The following MRTFA variants were observed in gnomAD, a reference collection of about 807,000 sequenced individuals.
The protein encoded by MRTFA is myocardin-related transcription factor A.
Under a neutral mutation model 83.5 loss-of-function variants are expected in MRTFA, and 20 were observed. That is an observed-to-expected ratio of 0.24 (90% CI 0.17 to 0.35). The LOEUF is 0.35. MRTFA is among the 10% of genes least tolerant of loss of function. The pLI, the probability that MRTFA is intolerant of heterozygous loss-of-function variation, is 1.00. For missense variants in MRTFA, 1,200 were observed against 1,224.7 expected (o/e 0.98, Z 0.30); for synonymous variants, 659 against 541.2 (o/e 1.22, Z -3.02).
chr22:40,577,222 T>C (rs1282326414), intron 2 of MRTFA, among the ~76,000 whole-genome samples: 1 of 105,726 alleles, frequency 9.5e-6, no homozygotes, highest in Non-Finnish European at 1.8e-5. Flanking sequence ...AGTAACAGAG[T>C]AAGACCCTTG....
At chr22:40,608,279 G>C (rs1377485251) in intron 1 of MRTFA, among the ~76,000 whole-genome samples, 2 of 152,146 alleles carry the variant, frequency 1.3e-5, no homozygotes, top group Non-Finnish European at 2.9e-5. Flanking sequence ...CCTCCCAACA[G>C]TTCTGGGATT....
chr22:40,510,792 A>T (rs2147241380), intron 3 of MRTFA, among the ~76,000 whole-genome samples: 1 of 152,282 alleles, frequency 6.6e-6, no homozygotes, highest in African/African-American at 2.4e-5. Flanking sequence ...GGGGAATCAA[A>T]GACAGCACAC....
chr22:40,628,133 T>C (rs1020522986), intron 1 of MRTFA, among the ~76,000 whole-genome samples: 5 of 152,232 alleles, frequency 3.3e-5, no homozygotes, highest in African/African-American at 1.2e-4. Context: ...TAGATGCCCC[T>C]ATTACTTCCC....
chr22:40,431,454 A>C lies in MRTFA; in HGVS notation c.390T>G (p.Ile130Met). The C allele has an allele frequency of 6.2e-7, 1 of 1,614,128 alleles. No individual in the cohort carries two copies. Among genetic ancestry groups the C allele is most frequent in the Non-Finnish European group, 8.5e-7 (1 of 1,179,976 alleles). The stretch of plus-strand genomic sequence containing the variant: ...GCTCCGATCTCTCCGGCCGGGAACG[A>C]ATCTTCCGTTTGAGATAGTCCTCTG... The change falls in exon 6 of 15, where the codon ATT becomes ATG. Residue 130 changes from isoleucine to methionine, a missense_variant. Transcript: ENST00000355630.
At chr22:40,532,595 T>C (rs979332506) in intron 3 of MRTFA, among the ~76,000 whole-genome samples, 40 of 152,364 alleles carry the variant, frequency 2.6e-4, no homozygotes, top group African/African-American at 8.9e-4. Flanking sequence ...GGTAGTGGTA[T>C]CTGTCTTCTT....
intron 3 of MRTFA, among the ~76,000 whole-genome samples, chr22:40,541,596 G>A (rs1326904639): frequency 6.6e-6 from 1 of 152,134 alleles, no homozygotes; most frequent in African/African-American, 2.4e-5. Context: ...AACCTGGGAG[G>A]ATCACACATT....
rs1602231137 is a variant in MRTFA, at chr22:40,431,353, T to G, written c.439+52A>C. ...AGGAAATGGGTAGTGCAGTAGTGAGTACACACAGTGAGAACTGGATCTAGA... is the reference window on the plus strand; with the variant it reads ...AGGAAATGGGTAGTGCAGTAGTGAGGACACACAGTGAGAACTGGATCTAGA... On this transcript the variant is annotated intron_variant, in intron 6 of 14. Transcript: ENST00000355630. The G allele has an allele frequency of 2.6e-6, 4 of 1,529,274 alleles. No individual in the cohort carries two copies. In the Admixed American group the frequency reaches 5.0e-5, roughly 19 times the overall value. 94.7% of individuals were successfully genotyped at this position (1,529,274 alleles called of 1,614,324 possible). A position where few individuals can be genotyped will look rare whatever the true frequency, so the allele number is the denominator to read the frequency against.
intron 1 of MRTFA, among the ~76,000 whole-genome samples, chr22:40,631,080 C>T (rs1169895444): frequency 6.6e-6 from 1 of 152,128 alleles, no homozygotes; most frequent in Non-Finnish European, 1.5e-5. Flanking sequence ...ACTTGTGCAC[C>T]TCCTTGGGTC....
At chr22:40,539,604 G>A (rs2055254059) in intron 3 of MRTFA, among the ~76,000 whole-genome samples, 1 of 144,964 alleles carries the variant, frequency 6.9e-6, no homozygotes, top group Non-Finnish European at 1.6e-5. Flanking sequence ...CCGGGTTCAA[G>A]CGATTCTCCT....
At chr22:40,592,266 C>CAAAAA (rs398037181) in intron 2 of MRTFA, among the ~76,000 whole-genome samples, 1 of 86,300 alleles carries the variant, frequency 1.2e-5, no homozygotes, top group African/African-American at 5.1e-5. Flanking sequence ...TCAGTCTCTA[C>CAAAAA]AAAAAAAAAA....
intron 3 of MRTFA, among the ~76,000 whole-genome samples, chr22:40,479,503 T>A (rs2054053370): frequency 6.6e-6 from 1 of 152,126 alleles, no homozygotes; most frequent in Non-Finnish European, 1.5e-5. Flanking sequence ...ATTAAACCTC[T>A]GCTCCTAAAA....
chr22:40,510,906 G>A (rs117636434), intron 3 of MRTFA, among the ~76,000 whole-genome samples: 6 of 152,116 alleles, frequency 3.9e-5, no homozygotes, highest in African/African-American at 9.7e-5. Flanking sequence ...AAAAAAGCAC[G>A]AAGTGTTCTG....
At chr22:40,590,659 C>G (rs1049153835) in intron 2 of MRTFA, among the ~76,000 whole-genome samples, 1 of 124,160 alleles carries the variant, frequency 8.1e-6, no homozygotes, top group Non-Finnish European at 1.7e-5. Context: ...TGTAACAGAA[C>G]AAGACTCTGT....
intron 3 of MRTFA, among the ~76,000 whole-genome samples, chr22:40,536,375 CTG>C (rs34955079): frequency 0.17 from 25,412 of 150,260 alleles, 1,650 homozygotes; most frequent in Non-Finnish European, 0.19. Context: ...GGCAGCGGAG[CTG>C]TCTCAGTCTT....
chr22:40,555,631 G>GTAAGAA (rs2147318317), intron 2 of MRTFA, among the ~76,000 whole-genome samples: 1 of 149,970 alleles, frequency 6.7e-6, no homozygotes. Context: ...TATGTAGTTA[G>GTAAGAA]TAAGAATAAT....
chr22:40,495,997 T>C (rs1217366013), intron 3 of MRTFA, among the ~76,000 whole-genome samples: 2 of 150,786 alleles, frequency 1.3e-5, no homozygotes, highest in Non-Finnish European at 3.0e-5. Flanking sequence ...ACCTGGGAGG[T>C]GGAAGTTGCA....
At chr22:40,565,586 G>A (rs905603950) in intron 2 of MRTFA, among the ~76,000 whole-genome samples, 1 of 152,094 alleles carries the variant, frequency 6.6e-6, no homozygotes, top group African/African-American at 2.4e-5. Flanking sequence ...GGGTAGACCT[G>A]ACTTTCATTA....
chr22:40,584,963 T>G (rs1478254240), intron 2 of MRTFA, among the ~76,000 whole-genome samples: 1 of 152,016 alleles, frequency 6.6e-6, no homozygotes, highest in African/African-American at 2.4e-5. Context: ...TAGGATCGCT[T>G]GAACCTGGGA....
chr22:40,458,079 G>A (rs2053628983), intron 4 of MRTFA, among the ~76,000 whole-genome samples: 1 of 152,166 alleles, frequency 6.6e-6, no homozygotes, highest in South Asian at 2.1e-4. Flanking sequence ...TCTTCTGTGA[G>A]TCTTCATCCT....
Sources: gnomAD v4.1 joint callset for allele counts (sites outside exome capture counted in the v4.1 genomes callset) on GRCh38, gnomAD v4.1.1 for gene constraint, MANE v1.5 for transcripts, NCBI Gene and HGNC (gene_info 2026-07-23, HGNC 2026-07-21) for gene names.